MYO9A: variants seen among roughly 807,000 people sequenced by gnomAD.
The protein encoded by MYO9A is unconventional myosin-IXa.
In MYO9A, 103 loss-of-function variants were observed where a neutral mutation model predicts 293.3. The observed-to-expected ratio is 0.35, with a 90% confidence interval of 0.30 to 0.41. MYO9A has a LOEUF of 0.41. Among genes scored for constraint, MYO9A ranks in the 10% least tolerant of loss-of-function variants. The pLI, the probability that MYO9A is intolerant of heterozygous loss-of-function variation, is 1.00. For synonymous variants in MYO9A, 1,001 were observed against 1,035.7 expected (o/e 0.97, Z 0.64); for missense variants, 2,685 against 3,033.0 (o/e 0.89, Z 2.69).
chr15:71,830,242 C>T lies in MYO9A; in HGVS notation c.6907G>A (p.Val2303Met). ...AAGGTCTCCTCTGAGACATCAGACA[C>T]AGAAGGCAACCGAACTACAACAGGA... ...SSPVVVRLPS[V>M]SDVSEETLTS... The change falls in exon 40 of 42, where the codon GTG becomes ATG. Residue 2303 changes from valine to methionine, a missense_variant. Physicochemically the swap from Val to Met is conservative, Grantham distance 21 (BLOSUM62 1). Around this residue, in one of 10 missense-constraint regions of MYO9A, gnomAD observed 350 missense variants for 328.9 expected, o/e 1.06. Transcript: ENST00000356056. 2 of 1,614,084 alleles carry T rather than the reference C, an allele frequency of 1.2e-6. No individual in the cohort carries two copies. The highest frequency in any genetic ancestry group is 1.7e-6 in the Non-Finnish European group (2 of 1,179,992).
chr15:71,924,918 CA>C (rs1165713559), intron 18 of MYO9A, among the ~76,000 whole-genome samples: 29 of 134,960 alleles, frequency 2.1e-4, no homozygotes, highest in South Asian at 7.1e-4. Context: ...AACTTAGTCT[CA>C]AAAAAAAAAG....
intron 1 of MYO9A, among the ~76,000 whole-genome samples, chr15:72,111,305 T>C (rs1383685753): frequency 6.6e-6 from 1 of 150,748 alleles, no homozygotes; most frequent in Non-Finnish European, 1.5e-5. Context: ...GCTTGGTCAA[T>C]ATGGTGAAAT....
intron 2 of MYO9A, among the ~76,000 whole-genome samples, chr15:72,043,078 AC>A (rs1222019424): frequency 3.3e-5 from 5 of 151,792 alleles, no homozygotes; most frequent in Admixed American, 6.6e-5. Flanking sequence ...CAAAAAACAA[AC>A]AAAAAAAAAA....
In MYO9A at chr15:72,055,835, AAAAGAG is replaced by A. The variant is rs1294128739; in HGVS notation, c.-71-9207_-71-9202del. On this transcript the variant is annotated intron_variant, in intron 1 of 41. Transcript: ENST00000356056. Reference sequence around the variant, plus strand: ...AATAGATGCTGGCAGGGATGTGGTGAAAAGAGAACACACTTTGACACTGATGGTAGG... The same window carrying A: ...AATAGATGCTGGCAGGGATGTGGTGAAACACACTTTGACACTGATGGTAGG... Among the ~76,000 whole-genome samples the A allele has an allele frequency of 3.5e-4, 53 of 152,252 alleles. 2 individuals are homozygous for A. Among genetic ancestry groups the A allele is most frequent in the Admixed American group, 3.5e-3 (53 of 15,276 alleles).
intron 13 of MYO9A, among the ~76,000 whole-genome samples, chr15:71,965,973 T>A (rs148057525): frequency 7.3e-4 from 111 of 152,028 alleles, no homozygotes; most frequent in Non-Finnish European, 9.9e-4. Context: ...TCCTCCCAGG[T>A]TCAAGCACTT....
At chr15:71,950,110 G>A (rs1435111078) in intron 15 of MYO9A, 3 of 151,224 alleles carry the variant, frequency 2.0e-5, no homozygotes, top group South Asian at 2.1e-4. Context: ...TGGTAGTTCC[G>A]TTTTTTTTAA....
At chr15:72,099,695 A>T (rs981060931) in intron 1 of MYO9A, among the ~76,000 whole-genome samples, 6 of 151,994 alleles carry the variant, frequency 3.9e-5, no homozygotes, top group African/African-American at 1.4e-4. Context: ...TGAAGCCAGG[A>T]GTTTGAGACC....
chr15:71,859,912 TA>T, intron 33 of MYO9A, 116 bp from the exon 34 acceptor site: 2 of 737,226 alleles, frequency 2.7e-6, no homozygotes, highest in Non-Finnish European at 4.5e-6. Context: ...CAGACTGCTG[TA>T]ATATGACATA....
At chr15:72,037,896 G>C (rs1202021704) in intron 2 of MYO9A, among the ~76,000 whole-genome samples, 1 of 151,476 alleles carries the variant, frequency 6.6e-6, no homozygotes, top group Non-Finnish European at 1.5e-5. Context: ...GGACTTACTA[G>C]GCAAAGACTA....
chr15:71,849,078 C>T, intron 38 of MYO9A, 110 bp from the exon 39 acceptor site: 1 of 1,051,640 alleles, frequency 9.5e-7, no homozygotes, highest in African/African-American at 1.6e-5. Flanking sequence ...AAAAAATTAA[C>T]ATCCCTTACT....
intron 15 of MYO9A, among the ~76,000 whole-genome samples, chr15:71,940,841 A>T (rs2058754646): frequency 6.6e-6 from 1 of 152,130 alleles, no homozygotes. Flanking sequence ...GGATGGCTTG[A>T]GTCCAAGAGT....
rs201515087 is a variant in MYO9A, at chr15:72,092,776, A to AT, written c.-72+24903dup. 7.4e-4 allele frequency among the ~76,000 whole-genome samples: 113 copies of AT among 152,174 alleles called. No homozygotes were observed. The East Asian group carries it at 0.017, about 23-fold the overall frequency. ...TCATATGATTTTCATGTCACAAATTATTTTTTTCCAACCATTTAAAAATGT... is the reference window on the plus strand; with the variant it reads ...TCATATGATTTTCATGTCACAAATTATTTTTTTTCCAACCATTTAAAAATGT... On this transcript the variant is annotated intron_variant, in intron 1 of 41. Transcript: ENST00000356056.
In MYO9A at chr15:71,960,064, G is replaced by C; in HGVS notation, c.2019C>G (p.Arg673=). The part of the protein sequence containing the change: ...DFREKNTDHM[R]PDIVALLRSS... ...TTCTCAGAAGAGCTACAATGTCTGGGCGCATATGATCTGTATTTTTTTCCC... is the reference window on the plus strand; with the variant it reads ...TTCTCAGAAGAGCTACAATGTCTGGCCGCATATGATCTGTATTTTTTTCCC... The change falls in exon 14 of 42, where the codon CGC becomes CGG. Residue 673 remains arginine, a synonymous_variant. Transcript: ENST00000356056. 1 of 1,613,916 alleles carries C rather than the reference G, an allele frequency of 6.2e-7. No homozygotes were observed.
intron 1 of MYO9A, among the ~76,000 whole-genome samples, chr15:72,109,627 G>A (rs181637509): frequency 1.3e-3 from 197 of 152,200 alleles, no homozygotes; most frequent in African/African-American, 4.5e-3. Context: ...AGTGGTTCAC[G>A]CCTGTAATCA....
rs1428675457 is a variant in MYO9A, at chr15:71,899,945, G to C, written c.3212C>G (p.Ala1071Gly). Residue 1071 changes from alanine to glycine, a missense_variant, in exon 24 of 42, where the codon GCT (alanine) becomes GGT (glycine). Ala to Gly is a moderately conservative substitution (Grantham distance 60). Around this residue, in one of 10 missense-constraint regions of MYO9A, gnomAD observed 1,434 missense variants for 1,497.7 expected, o/e 0.96. Coordinates refer to ENST00000356056, the MANE Select transcript of MYO9A (RefSeq NM_006901.4). ...QVRDAAVQKD[A>G]FVMASAAALL... is the part of the protein sequence containing the mutation. ...AGCAGCTGCACTAGCCATAACAAAA[G>C]CATCCTTCTGCACAGCTGCATCTCT... 1.2e-6 allele frequency: 2 copies of C among 1,614,044 alleles called. No homozygotes were observed. The highest frequency in any genetic ancestry group is 1.3e-5 in the African/African-American group (1 of 75,006).
In MYO9A at chr15:71,823,621, T is replaced by G. The variant is rs1170602887; in HGVS notation, c.*2959A>C. The G allele has an allele frequency of 1.3e-5, 2 of 152,268 alleles. No individual in the cohort carries two copies. Among genetic ancestry groups the G allele is most frequent in the Non-Finnish European group, 2.9e-5 (2 of 68,046 alleles). 9.4% of individuals were successfully genotyped at this position (152,268 alleles called of 1,614,324 possible). A position where few individuals can be genotyped will look rare whatever the true frequency, so the allele number is the denominator to read the frequency against. ...GTATTTGCTGTTGATTTGCTTCAATTTGTGATACAGAATGAAATCACACTT... is the reference window on the plus strand; with the variant it reads ...GTATTTGCTGTTGATTTGCTTCAATGTGTGATACAGAATGAAATCACACTT... On this transcript the variant is annotated 3_prime_UTR_variant, in exon 42 of 42. Coordinates refer to ENST00000356056, the MANE Select transcript of MYO9A (RefSeq NM_006901.4).
intron 27 of MYO9A, among the ~76,000 whole-genome samples, 170 bp downstream of exon 27, chr15:71,887,834 A>G (rs911331566): frequency 1.3e-5 from 2 of 152,140 alleles, no homozygotes; most frequent in Non-Finnish European, 2.9e-5. Context: ...CTTAACTACT[A>G]TGTGCCTATA....
At chr15:71,967,336 C>T (rs2075903498) in intron 13 of MYO9A, among the ~76,000 whole-genome samples, 1 of 152,152 alleles carries the variant, frequency 6.6e-6, no homozygotes, top group Non-Finnish European at 1.5e-5. Flanking sequence ...AAGTCTGACA[C>T]ATGTTCTGTG....
At chr15:71,927,574 G>A (rs985768686) in intron 18 of MYO9A, among the ~76,000 whole-genome samples, 2 of 152,096 alleles carry the variant, frequency 1.3e-5, no homozygotes, top group Admixed American at 1.3e-4. Context: ...GAACCCACAG[G>A]TACAAAAAGT....
Sources: allele counts gnomAD v4.1 joint callset (sites outside exome capture counted in the v4.1 genomes callset), GRCh38; gene constraint gnomAD v4.1.1; regional missense constraint gnomAD v4.1.1; transcripts MANE v1.5; gene names NCBI Gene and HGNC (gene_info 2026-07-23, HGNC 2026-07-21).